The following APLP2 variants were observed in gnomAD, a reference collection of about 807,000 sequenced individuals.
APLP2 encodes amyloid beta precursor like protein 2.
A neutral mutation model predicts 89.9 loss-of-function variants in APLP2; 53 were observed. The ratio of observed to expected loss-of-function variants is 0.59; its 90% confidence interval spans 0.47 to 0.74. The LOEUF is 0.74. Ranked by LOEUF, APLP2 falls within the 30% of genes least tolerant of loss-of-function variation. The pLI, the probability that APLP2 is intolerant of heterozygous loss-of-function variation, is 0.00. For synonymous variants in APLP2, 372 were observed against 348.6 expected, an observed-to-expected ratio of 1.07 and a Z score of -0.75; for missense variants, 973 against 975.9, an observed-to-expected ratio of 1.00 and a Z score of 0.04.
Position 130,143,512 on chromosome 11 carries a change from G to C in APLP2, c.*64G>C, listed in dbSNP as rs1009477657. On this transcript the variant is annotated 3_prime_UTR_variant, in exon 17 of 17. Coordinates refer to ENST00000338167, the MANE Select transcript of APLP2 (RefSeq NM_001142276.2). ...GTGGGCCGGAAGATCCCACGATTCC[G>C]ATCGACTGCCAAGCAGCAGCCGCTG... The C allele has an allele frequency of 3.7e-5, 52 of 1,395,396 alleles. No individual in the cohort carries two copies. The highest frequency in any genetic ancestry group is 1.9e-4 in the Middle Eastern group (1 of 5,398). 86.4% of individuals were successfully genotyped at this position (1,395,396 alleles called of 1,614,324 possible).
intron 1 of APLP2, among the ~76,000 whole-genome samples, chr11:130,106,336 C>T (rs1947750910): frequency 1.3e-5 from 2 of 152,210 alleles, no homozygotes; most frequent in South Asian, 4.1e-4. Flanking sequence ...TCCACCACTC[C>T]ACCTTAGCCC....
chr11:130,132,415 A>G (rs1951031137), intron 11 of APLP2, among the ~76,000 whole-genome samples: 1 of 151,906 alleles, frequency 6.6e-6, no homozygotes, highest in Admixed American at 6.6e-5. Context: ...TAATTAATCC[A>G]CTGGTTTCCA....
Position 130,122,366 on chromosome 11 carries a change from G to A in APLP2, c.775G>A (p.Glu259Lys). ...FTEAAVDEDD[E>K]DEEEGEEVVE... is the part of the protein sequence containing the mutation. ...AGAAGCAGCTGTGGATGAGGATGAT[G>A]AGGATGAGGAAGAAGGGGAGGAAGT... The change falls in exon 6 of 17, where the codon GAG (glutamate) becomes AAG (lysine). Residue 259 changes from glutamate to lysine, a missense_variant. Physicochemically the swap from Glu to Lys is moderately conservative, Grantham distance 56. Transcript: ENST00000338167. 6.2e-7 allele frequency: 1 copy of A among 1,614,146 alleles called. No homozygotes were observed. The highest frequency in any genetic ancestry group is 8.5e-7 in the Non-Finnish European group (1 of 1,180,018).
intron 3 of APLP2, among the ~76,000 whole-genome samples, chr11:130,118,878 C>T (rs752976166): frequency 1.3e-5 from 2 of 152,190 alleles, no homozygotes; most frequent in Non-Finnish European, 2.9e-5. Flanking sequence ...AGTCCCTGTG[C>T]TAGCAGTGCT....
intron 1 of APLP2, among the ~76,000 whole-genome samples, chr11:130,091,182 T>C (rs866593775): frequency 0.011 from 853 of 76,662 alleles, no homozygotes; most frequent in Middle Eastern, 0.027. Context: ...GAGGCGCCCC[T>C]CACCTCCCGG....
chr11:130,113,203 A>T (rs1189803121), intron 3 of APLP2, among the ~76,000 whole-genome samples: 1 of 152,174 alleles, frequency 6.6e-6, no homozygotes, highest in African/African-American at 2.4e-5. Flanking sequence ...AGAATATCGG[A>T]TATACTGTTT....
intron 1 of APLP2, among the ~76,000 whole-genome samples, chr11:130,098,504 C>T (rs1395278193): frequency 2.0e-5 from 3 of 152,028 alleles, no homozygotes; most frequent in African/African-American, 7.2e-5. Flanking sequence ...AATTTCAGAT[C>T]TCTGACATTG....
chr11:130,078,811 TTC>T (rs1458680587), intron 1 of APLP2, among the ~76,000 whole-genome samples: 1 of 152,096 alleles, frequency 6.6e-6, no homozygotes, highest in African/African-American at 2.4e-5. Flanking sequence ...TATTCCATTG[TTC>T]TCTTTGTTTA....
At chr11:130,130,601 T>C (rs1950832417) in intron 11 of APLP2, among the ~76,000 whole-genome samples, 1 of 152,216 alleles carries the variant, frequency 6.6e-6, no homozygotes, top group Non-Finnish European at 1.5e-5. Context: ...TTCTGGTTCC[T>C]ACTTCTAATA....
chr11:130,134,590 AT>A (rs1475919498), intron 12 of APLP2, among the ~76,000 whole-genome samples: 10 of 152,242 alleles, frequency 6.6e-5, no homozygotes, highest in African/African-American at 2.4e-4. Flanking sequence ...GATCTGGATT[AT>A]GAATTTTTAA....
Position 130,110,656 on chromosome 11 carries a change from G to A in APLP2, c.398G>A (p.Cys133Tyr). The stretch of plus-strand genomic sequence containing the variant: ...AGTCGCTTTGTTACACCTTTCAAGT[G>A]TCTCGGTGAGTGTTCTTGGTTACTT... ...CKSRFVTPFK[C>Y]LVGEFVSDVL... Residue 133 changes from cysteine to tyrosine, a missense_variant, in exon 3 of 17, where the codon TGT becomes TAT. Coordinates refer to ENST00000338167, the MANE Select transcript of APLP2 (RefSeq NM_001142276.2). 3 of 1,609,592 alleles carry A rather than the reference G, an allele frequency of 1.9e-6. No individual in the cohort carries two copies. Among genetic ancestry groups the A allele is most frequent in the Non-Finnish European group, 2.5e-6 (3 of 1,178,746 alleles).
Position 130,133,705 on chromosome 11 carries a change from C to A in APLP2, c.1661C>A (p.Ala554Asp). 3 of 1,613,874 alleles carry A rather than the reference C, an allele frequency of 1.9e-6. No individual in the cohort carries two copies. The highest frequency in any genetic ancestry group is 2.5e-6 in the Non-Finnish European group (3 of 1,179,760). Residue 554 changes from alanine (A) to aspartate (D), a missense_variant, in exon 12 of 17, where the codon GCC (alanine) becomes GAC (aspartate). Coordinates refer to ENST00000338167, the MANE Select transcript of APLP2 (RefSeq NM_001142276.2). ...LSLLYKVPYVAQEIQEEIDEL... is the reference protein window; with the variant it reads ...LSLLYKVPYVDQEIQEEIDEL... ...CTGCTCTACAAAGTACCTTATGTAG[C>A]CCAAGAAATTCAAGAGGAAATTGGT...
intron 1 of APLP2, among the ~76,000 whole-genome samples, chr11:130,099,974 C>G (rs1052222752): frequency 1.5e-4 from 23 of 152,288 alleles, no homozygotes; most frequent in African/African-American, 5.3e-4. Context: ...TGTTAATAAC[C>G]CTGTTTTGTA....
chr11:130,137,227 T>A (rs1399628779), intron 13 of APLP2: 1 of 1,608,006 alleles, frequency 6.2e-7, no homozygotes, highest in South Asian at 1.1e-5. Context: ...CTATTTTATT[T>A]TGTTTTTTAT....
At chr11:130,116,877 C>T (rs1361220561) in intron 3 of APLP2, among the ~76,000 whole-genome samples, 3 of 152,054 alleles carry the variant, frequency 2.0e-5, no homozygotes, top group Non-Finnish European at 2.9e-5. Context: ...TGCCTGTAAT[C>T]ACAGCACTTT....
At chr11:130,112,216 A>G (rs1948670628) in intron 3 of APLP2, among the ~76,000 whole-genome samples, 1 of 152,256 alleles carries the variant, frequency 6.6e-6, no homozygotes, top group African/African-American at 2.4e-5. Context: ...GACATCTGTC[A>G]GGCATTCTGC....
chr11:130,079,079 T>C (rs1280500800), intron 1 of APLP2, among the ~76,000 whole-genome samples: 3 of 101,978 alleles, frequency 2.9e-5, no homozygotes, highest in Non-Finnish European at 5.2e-5. Context: ...ATGACATGTA[T>C]TTTTTTTATT....
intron 11 of APLP2, 149 bp downstream of exon 11, chr11:130,130,315 G>A: frequency 9.3e-7 from 1 of 1,073,402 alleles, no homozygotes; most frequent in South Asian, 1.6e-5. Flanking sequence ...TTCGGTACGT[G>A]AACTGGTTTT....
At chr11:130,087,441 G>T (rs1291463889) in intron 1 of APLP2, among the ~76,000 whole-genome samples, 28 of 152,222 alleles carry the variant, frequency 1.8e-4, no homozygotes, top group Admixed American at 1.8e-3. Flanking sequence ...GGGCTAAGTA[G>T]TGGCAGCCCC....
Sources: gnomAD v4.1 joint callset for allele counts (sites outside exome capture counted in the v4.1 genomes callset) on GRCh38, gnomAD v4.1.1 for gene constraint, MANE v1.5 for transcripts, NCBI Gene and HGNC (gene_info 2026-07-23, HGNC 2026-07-21) for gene names.